The following PPARGC1A variants were observed in gnomAD, a reference collection of about 807,000 sequenced individuals.
The protein encoded by PPARGC1A is PPARG coactivator 1 alpha, also known as peroxisome proliferator-activated receptor gamma coactivator 1-alpha.
In PPARGC1A, 25 loss-of-function variants were observed where a neutral mutation model predicts 88.7. The observed-to-expected ratio is 0.28, with a 90% CI of 0.21 to 0.39. PPARGC1A has a LOEUF of 0.39. Among genes scored for constraint, PPARGC1A ranks in the 10% least tolerant of loss-of-function variants. The pLI is 1.00. For missense variants in PPARGC1A, 880 were observed against 968.7 expected (o/e 0.91, Z 1.22); for synonymous variants, 363 against 355.6 (o/e 1.02, Z -0.24).
At chr4:24,169,741 C>T in the PPARGC1A span, among the ~76,000 whole-genome samples, 5 of 151,920 alleles carry the variant, frequency 3.3e-5, no homozygotes, top group African/African-American at 4.8e-5. Flanking sequence ...TTGTGGCAGG[C>T]GCCTGTAATC....
At chr4:23,838,491 C>G (rs1347949606) in intron 2 of PPARGC1A, among the ~76,000 whole-genome samples, 1 of 152,138 alleles carries the variant, frequency 6.6e-6, no homozygotes, top group Non-Finnish European at 1.5e-5. Context: ...GAAAAGAAAT[C>G]TCAAGCATAT....
the PPARGC1A span, among the ~76,000 whole-genome samples, chr4:24,042,864 T>G: frequency 6.6e-6 from 1 of 152,226 alleles, no homozygotes; most frequent in Non-Finnish European, 1.5e-5. Context: ...ATACATAAAC[T>G]GCATCATTCA....
the PPARGC1A span, among the ~76,000 whole-genome samples, chr4:24,382,240 A>G: frequency 6.6e-6 from 1 of 152,218 alleles, no homozygotes; most frequent in South Asian, 2.1e-4. Context: ...GCATGAAACA[A>G]AGCTGAATAA....
the PPARGC1A span, among the ~76,000 whole-genome samples, chr4:24,089,804 G>A: frequency 1.3e-5 from 2 of 151,968 alleles, no homozygotes; most frequent in Non-Finnish European, 2.9e-5. Context: ...GCCACCGTGC[G>A]CGGCCTAGGA....
chr4:24,178,105 C>T, the PPARGC1A span, among the ~76,000 whole-genome samples: 2 of 152,166 alleles, frequency 1.3e-5, no homozygotes, highest in African/African-American at 4.8e-5. Context: ...GGCCTTTGAG[C>T]CTATTGTATA....
the PPARGC1A span, among the ~76,000 whole-genome samples, chr4:24,154,957 T>C: frequency 6.6e-6 from 1 of 152,118 alleles, no homozygotes; most frequent in Non-Finnish European, 1.5e-5. Context: ...AGATATCCTC[T>C]GGTCAAGTGA....
chr4:23,979,498 G>A, the PPARGC1A span, among the ~76,000 whole-genome samples: 1 of 152,150 alleles, frequency 6.6e-6, no homozygotes, highest in African/African-American at 2.4e-5. Flanking sequence ...TTGGGGGATG[G>A]AGGTTCTATT....
chr4:24,429,105 A>G, the PPARGC1A span, among the ~76,000 whole-genome samples: 3 of 152,206 alleles, frequency 2.0e-5, no homozygotes, highest in Non-Finnish European at 4.4e-5. Context: ...TGGCCTGAGC[A>G]GGCACTGGGC....
At chr4:24,066,920 T>G in the PPARGC1A span, among the ~76,000 whole-genome samples, 1 of 150,822 alleles carries the variant, frequency 6.6e-6, no homozygotes, top group African/African-American at 2.4e-5. Flanking sequence ...AAATGCCATT[T>G]TAATTTGCTT....
chr4:24,302,854 A>T, the PPARGC1A span, among the ~76,000 whole-genome samples: 100 of 152,248 alleles, frequency 6.6e-4, no homozygotes, highest in Admixed American at 6.2e-3. Context: ...ACATAGACTC[A>T]AGATCTGATT....
chr4:23,857,480 C>T (rs34478957), intron 2 of PPARGC1A, among the ~76,000 whole-genome samples: 56,413 of 150,634 alleles, frequency 0.37, 10,613 homozygotes, highest in Middle Eastern at 0.47. Flanking sequence ...AAATCATAAG[C>T]ACTAGTTTCA....
At chr4:24,289,242 A>AAAGAG in the PPARGC1A span, among the ~76,000 whole-genome samples, 2 of 95,804 alleles carry the variant, frequency 2.1e-5, no homozygotes, top group African/African-American at 4.7e-5. Context: ...AAAAAAAAAA[A>AAAGAG]AGAGAGAGAG....
the PPARGC1A span, among the ~76,000 whole-genome samples, chr4:23,943,536 GATCT>G: frequency 1.3e-5 from 2 of 152,280 alleles, no homozygotes; most frequent in African/African-American, 4.8e-5. Context: ...AAAACTGCAA[GATCT>G]ATCAATAGGT....
the PPARGC1A span, among the ~76,000 whole-genome samples, chr4:24,017,984 G>C: frequency 6.6e-6 from 1 of 152,156 alleles, no homozygotes; most frequent in Non-Finnish European, 1.5e-5. Flanking sequence ...TATGCTTCCT[G>C]TCTCAGAAAG....
chr4:24,280,091 C>T, the PPARGC1A span, among the ~76,000 whole-genome samples: 27 of 152,302 alleles, frequency 1.8e-4, no homozygotes, highest in African/African-American at 6.3e-4. Context: ...CCCAGCCAGA[C>T]ACACGTCTCA....
chr4:24,206,688 A>G, the PPARGC1A span, among the ~76,000 whole-genome samples: 47 of 151,996 alleles, frequency 3.1e-4, no homozygotes, highest in East Asian at 3.3e-3. Flanking sequence ...ACACAAAAAA[A>G]TAATAGCTGG....
chr4:24,128,723 T>C, the PPARGC1A span, among the ~76,000 whole-genome samples: 1 of 152,176 alleles, frequency 6.6e-6, no homozygotes, highest in Admixed American at 6.5e-5. Context: ...CAATTAGAAA[T>C]ACAAAATCAA....
the PPARGC1A span, among the ~76,000 whole-genome samples, chr4:23,918,784 T>C: frequency 3.0e-4 from 46 of 152,200 alleles, no homozygotes; most frequent in Non-Finnish European, 4.4e-4. Context: ...AAAGTAATAA[T>C]GATTTGATCA....
chr4:24,084,593 T>A, the PPARGC1A span, among the ~76,000 whole-genome samples: 1 of 152,210 alleles, frequency 6.6e-6, no homozygotes, highest in East Asian at 1.9e-4. Flanking sequence ...TACATTAGGT[T>A]ATCTGTCTTC....
Sources: allele counts gnomAD v4.1 joint callset (sites outside exome capture counted in the v4.1 genomes callset), GRCh38; gene constraint gnomAD v4.1.1; transcripts MANE v1.5; gene names NCBI Gene and HGNC (gene_info 2026-07-23, HGNC 2026-07-21).